Variants in DNMBP observed in about 807,000 individuals in gnomAD.
DNMBP encodes the protein dynamin-binding protein.
In DNMBP, 87 loss-of-function variants were observed where a neutral mutation model predicts 150.0. The ratio of observed to expected loss-of-function variants is 0.58; its 90% CI spans 0.49 to 0.69. DNMBP has a LOEUF of 0.69. Ranked by LOEUF, DNMBP falls within the 30% of genes least tolerant of loss-of-function variation. The pLI is 0.00. For missense variants in DNMBP, 1,774 were observed against 1,949.0 expected, an observed-to-expected ratio of 0.91 and a Z score of 1.69; for synonymous variants, 711 against 750.4, an observed-to-expected ratio of 0.95 and a Z score of 0.86.
Position 99,882,755 on chromosome 10 carries a change from T to C in DNMBP, c.3997+1256A>G, listed in dbSNP as rs528962196. On this transcript the variant is annotated intron_variant, in intron 15 of 16. Transcript: ENST00000324109. ...TGAGCAACCTCTTGGCTGAATCAGATTGCAATCAAGCATTTAAAAAAAAAT... is the reference window on the plus strand; with the variant it reads ...TGAGCAACCTCTTGGCTGAATCAGACTGCAATCAAGCATTTAAAAAAAAAT... Among the ~76,000 whole-genome samples the C allele has an allele frequency of 1.8e-4, 28 of 152,254 alleles. No homozygotes were observed. The East Asian group carries it at 2.7e-3, about 15-fold the overall frequency.
chr10:99,968,238 T>C (rs1177959063), intron 3 of DNMBP, among the ~76,000 whole-genome samples: 1 of 152,192 alleles, frequency 6.6e-6, no homozygotes, highest in Non-Finnish European at 1.5e-5. Flanking sequence ...AAAATGCGGA[T>C]GTTTTGCACC....
chr10:99,962,908 C>T (rs1429011662), intron 3 of DNMBP, among the ~76,000 whole-genome samples: 1 of 152,194 alleles, frequency 6.6e-6, no homozygotes, highest in Non-Finnish European at 1.5e-5. Context: ...CTATTTTCAA[C>T]AGGATAACTG....
chr10:99,900,059 C>T lies in DNMBP; in HGVS notation c.2562G>A (p.Val854=). The T allele has an allele frequency of 6.2e-7, 1 of 1,614,086 alleles. No homozygotes were observed. Residue 854 remains valine (V), a synonymous_variant, in exon 7 of 17, where the codon GTG becomes GTA. Coordinates refer to ENST00000324109, the MANE Select transcript of DNMBP (RefSeq NM_015221.4). The stretch of plus-strand genomic sequence containing the variant: ...CAAGCTCATCCCGGTGACCAAGAAA[C>T]ACAGGTCCTTTGGAATACACACAAA... ...ALEISDAVGP[V]FLGHRDELEG... is the part of the protein sequence containing the mutation.
intron 1 of DNMBP, among the ~76,000 whole-genome samples, chr10:99,982,862 G>A (rs1018140484): frequency 2.0e-5 from 3 of 151,996 alleles, no homozygotes; most frequent in African/African-American, 7.3e-5. Context: ...GGGTATGGGG[G>A]AGCAGCTCTG....
chr10:99,923,184 T>A (rs1364260082), intron 4 of DNMBP, among the ~76,000 whole-genome samples: 1 of 151,866 alleles, frequency 6.6e-6, no homozygotes, highest in African/African-American at 2.4e-5. Flanking sequence ...AGGTCAGGAG[T>A]TCGACTCCAG....
intron 1 of DNMBP, among the ~76,000 whole-genome samples, chr10:99,994,996 T>C (rs1420521331): frequency 6.6e-6 from 1 of 151,926 alleles, no homozygotes; most frequent in Non-Finnish European, 1.5e-5. Flanking sequence ...ACTCAAGTGA[T>C]CCTATGGCTT....
chr10:99,889,643 T>G (rs944553364), intron 11 of DNMBP: 1 of 152,266 alleles, frequency 6.6e-6, no homozygotes, highest in East Asian at 1.9e-4. Context: ...TTCCAGGCTT[T>G]CTTTCGAGAC....
chr10:99,998,595 A>G (rs1265080583), intron 1 of DNMBP, among the ~76,000 whole-genome samples: 3 of 151,900 alleles, frequency 2.0e-5, no homozygotes, highest in South Asian at 2.1e-4. Flanking sequence ...AAAAAAAAAA[A>G]AAAGAAACAC....
intron 3 of DNMBP, among the ~76,000 whole-genome samples, chr10:99,968,342 C>G (rs1009985434): frequency 1.3e-5 from 2 of 151,912 alleles, no homozygotes; most frequent in African/African-American, 4.8e-5. Context: ...TTATTTTTTT[C>G]TCCCTCCGCC....
intron 1 of DNMBP, among the ~76,000 whole-genome samples, chr10:100,003,323 G>A (rs2041036464): frequency 6.6e-6 from 1 of 152,160 alleles, no homozygotes; most frequent in Non-Finnish European, 1.5e-5. Flanking sequence ...CTCCAGCCTG[G>A]GCGACAGAGC....
Position 99,955,365 on chromosome 10 carries a change from C to A in DNMBP, c.2109G>T (p.Arg703=), listed in dbSNP as rs1246689589. 1 of 1,614,142 alleles carries A rather than the reference C, an allele frequency of 6.2e-7. No individual in the cohort carries two copies. Among genetic ancestry groups the A allele is most frequent in the African/African-American group, 1.3e-5 (1 of 75,018 alleles). Residue 703 remains arginine, a synonymous_variant, in exon 4 of 17, where the codon CGG becomes CGT. Transcript: ENST00000324109. The part of the protein sequence containing the change: ...LVLVRIEEME[R]DLDMYSRAQE... ...GAGCTCTACTGTACATATCCAAGTCCCGCTCCATTTCCTCAATCCTCACCA... is the reference window on the plus strand; with the variant it reads ...GAGCTCTACTGTACATATCCAAGTCACGCTCCATTTCCTCAATCCTCACCA...
chr10:99,904,139 C>T (rs2039787421), intron 6 of DNMBP, among the ~76,000 whole-genome samples: 2 of 151,998 alleles, frequency 1.3e-5, no homozygotes, highest in African/African-American at 2.4e-5. Context: ...TCTGTAGTCC[C>T]AGCTACTAGG....
intron 1 of DNMBP, among the ~76,000 whole-genome samples, chr10:99,987,960 C>G (rs945114518): frequency 5.3e-5 from 8 of 152,180 alleles, no homozygotes; most frequent in Non-Finnish European, 1.2e-4. Flanking sequence ...ACTCCACAGA[C>G]TTTTGCGGGG....
rs759941630 is a variant in DNMBP, at chr10:99,898,172, G to A, written c.2834C>T (p.Pro945Leu). The change falls in exon 9 of 17, where the codon CCA becomes CTA. Residue 945 changes from proline to leucine, a missense_variant. By Grantham distance (98) the Pro-to-Leu change is moderately conservative (BLOSUM62 -3). Transcript: ENST00000324109. ...ELLNSTPESH[P>L]DKVPLTNAVL... Reference sequence around the variant, plus strand: ...TGCATTGGTTAAAGGCACTTTATCTGGGTGGGATTCTGGGGTGGAATTCAG... The same window carrying A: ...TGCATTGGTTAAAGGCACTTTATCTAGGTGGGATTCTGGGGTGGAATTCAG... 1 of 1,614,004 alleles carries A rather than the reference G, an allele frequency of 6.2e-7. No homozygotes were observed. The highest frequency in any genetic ancestry group is 8.5e-7 in the Non-Finnish European group (1 of 1,179,964).
chr10:99,919,107 G>A (rs1041782553), intron 4 of DNMBP, among the ~76,000 whole-genome samples: 3 of 152,150 alleles, frequency 2.0e-5, no homozygotes, highest in African/African-American at 7.2e-5. Context: ...TAGTGCTCAC[G>A]TTTTACAAAT....
At position 99,876,394 on chromosome 10, in the gene DNMBP, C is replaced by T. The variant is rs1475025181; in HGVS notation, c.*757G>A. 1 of 136,538 alleles carries T rather than the reference C, an allele frequency of 7.3e-6. No individual in the cohort carries two copies. Among genetic ancestry groups the T allele is most frequent in the Non-Finnish European group, 1.6e-5 (1 of 62,498 alleles). The allele number at this position is 136,538 out of a possible 1,614,324, so 8.5% of individuals were successfully genotyped here. ...TGGGCAACATAGCAAGACCCCATCT[C>T]AAAAAAAAAAGCGGGGGGGCAGTGA... On this transcript the variant is annotated 3_prime_UTR_variant, in exon 17 of 17. Coordinates refer to ENST00000324109, the MANE Select transcript of DNMBP (RefSeq NM_015221.4).
intron 4 of DNMBP, among the ~76,000 whole-genome samples, chr10:99,935,552 A>G (rs975231018): frequency 1.2e-4 from 19 of 152,060 alleles, no homozygotes; most frequent in Non-Finnish European, 2.9e-5. Flanking sequence ...TTGCCTGAGT[A>G]GACTTAAATT....
chr10:99,997,055 C>T (rs2040958534), intron 1 of DNMBP, among the ~76,000 whole-genome samples: 2 of 152,122 alleles, frequency 1.3e-5, no homozygotes, highest in Admixed American at 6.5e-5. Context: ...CTCAAAAATA[C>T]GGGACTCTAA....
chr10:99,886,586 A>C lies in DNMBP; in HGVS notation c.3332T>G (p.Leu1111Arg). ...RLVISPLNQL[L>R]SMFTGPHKLV... Reference sequence around the variant, plus strand: ...CTTATGGGGCCCTGTAAACATGCTCAGTAACTGATTTAAGGGGGAGATGAC... The same window carrying C: ...CTTATGGGGCCCTGTAAACATGCTCCGTAACTGATTTAAGGGGGAGATGAC... The change falls in exon 13 of 17, where the codon CTG (leucine) becomes CGG (arginine). Residue 1111 changes from leucine (L) to arginine (R), a missense_variant. Transcript: ENST00000324109. 1.2e-6 allele frequency: 2 copies of C among 1,614,162 alleles called. No individual in the cohort carries two copies. The highest frequency in any genetic ancestry group is 1.7e-6 in the Non-Finnish European group (2 of 1,180,016).
Sources: gnomAD v4.1 joint callset for allele counts (sites outside exome capture counted in the v4.1 genomes callset) on GRCh38, gnomAD v4.1.1 for gene constraint, MANE v1.5 for transcripts, NCBI Gene and HGNC (gene_info 2026-07-23, HGNC 2026-07-21) for gene names.